ABCD3: variants seen among roughly 807,000 people sequenced by gnomAD.
The protein encoded by ABCD3 is ATP binding cassette subfamily D member 3.
Under a neutral mutation model 105.5 loss-of-function variants are expected in ABCD3, and 41 were observed. The ratio of observed to expected loss-of-function variants is 0.39; its 90% confidence interval spans 0.30 to 0.50. The LOEUF (loss-of-function observed/expected upper bound fraction) is 0.50, where lower values mean the gene tolerates loss of function less well. Ranked by LOEUF, ABCD3 falls within the 20% of genes least tolerant of loss-of-function variation. The probability of loss-of-function intolerance (pLI) is 0.84; values close to 1 mark genes in which losing one functional copy is unlikely to be tolerated. For missense variants in ABCD3, 622 were observed against 806.3 expected (o/e 0.77, Z 2.77); for synonymous variants, 258 against 269.0 (o/e 0.96, Z 0.40).
chr1:94,492,154 G>T (rs1649562689), intron 16 of ABCD3, among the ~76,000 whole-genome samples: 1 of 152,144 alleles, frequency 6.6e-6, no homozygotes, highest in African/African-American at 2.4e-5. Flanking sequence ...CATGTGAGTA[G>T]TGGCTATGGT....
chr1:94,464,729 A>G lies in ABCD3; in HGVS notation c.148-46A>G, dbSNP rs4148053. The G allele has an allele frequency of 1.6e-5, 23 of 1,455,160 alleles. No homozygotes were observed. The East Asian group carries it at 4.7e-4, about 30-fold the overall frequency. 90.1% of individuals were successfully genotyped at this position (1,455,160 alleles called of 1,614,324 possible). ...AAACATGGTTCTTTAATTTTATGAT[A>G]TGTTTGTTATAGCTATCTTAAAAGG... On this transcript the variant is annotated intron_variant, in intron 2 of 22. Transcript: ENST00000370214.
Position 94,463,620 on chromosome 1 carries a change from C to T in ABCD3, c.148-1155C>T, listed in dbSNP as rs538727167. On this transcript the variant is annotated intron_variant, in intron 2 of 22. Coordinates refer to ENST00000370214, the MANE Select transcript of ABCD3 (RefSeq NM_002858.4). ...GGGAATTGGGGTTTTTCTGGAGTGTCTTGCCTTTTCCAAGAAGTTTCCCCT... is the reference window on the plus strand; with the variant it reads ...GGGAATTGGGGTTTTTCTGGAGTGTTTTGCCTTTTCCAAGAAGTTTCCCCT... 5.6e-4 allele frequency among the ~76,000 whole-genome samples: 85 copies of T among 152,216 alleles called. 1 individual carries two copies. The highest frequency in any genetic ancestry group is 2.0e-3 in the African/African-American group (82 of 41,542).
intron 7 of ABCD3, among the ~76,000 whole-genome samples, chr1:94,477,251 AAAAAGG>A (rs1648797288): frequency 1.3e-5 from 2 of 149,832 alleles, no homozygotes; most frequent in Non-Finnish European, 3.0e-5. Context: ...AAAAAAAAAA[AAAAAGG>A]AAAGGGAAAG....
intron 9 of ABCD3, 196 bp from the exon 10 acceptor site, chr1:94,482,974 T>G (rs1227091803): frequency 3.8e-5 from 22 of 582,040 alleles, no homozygotes. Context: ...CAGTCAGGAG[T>G]GTATTCCTGT....
intron 16 of ABCD3, among the ~76,000 whole-genome samples, chr1:94,497,955 C>T (rs1013222193): frequency 2.6e-5 from 4 of 151,960 alleles, no homozygotes; most frequent in South Asian, 2.1e-4. Flanking sequence ...CTATAGAGTA[C>T]GTTTTCATTT....
chr1:94,425,096 TA>T (rs1659412993), intron 1 of ABCD3, among the ~76,000 whole-genome samples: 1 of 152,190 alleles, frequency 6.6e-6, no homozygotes, highest in Non-Finnish European at 1.5e-5. Context: ...CTGGACCACT[TA>T]TACCCCCTAT....
At chr1:94,386,638 T>A in the ABCD3 span, among the ~76,000 whole-genome samples, 1 of 152,248 alleles carries the variant, frequency 6.6e-6, no homozygotes, top group African/African-American at 2.4e-5. Context: ...GTATAATAAC[T>A]TTTTATACTT....
At chr1:94,486,666 T>C (rs1352648774) in intron 10 of ABCD3, among the ~76,000 whole-genome samples, 1 of 152,216 alleles carries the variant, frequency 6.6e-6, no homozygotes, top group East Asian at 1.9e-4. Context: ...TGAAGGGGGC[T>C]ATTGCCCAGC....
chr1:94,450,504 A>G (rs752320846), intron 1 of ABCD3, among the ~76,000 whole-genome samples: 116 of 152,402 alleles, frequency 7.6e-4, no homozygotes, highest in Non-Finnish European at 1.3e-3. Flanking sequence ...CACAAACAAT[A>G]GCATGAGCGA....
chr1:94,516,354 A>T (rs1570849770), intron 22 of ABCD3, among the ~76,000 whole-genome samples: 1 of 152,000 alleles, frequency 6.6e-6, no homozygotes, highest in Non-Finnish European at 1.5e-5. Flanking sequence ...ATTTTATGGC[A>T]TATTATAACT....
intron 8 of ABCD3, chr1:94,478,656 G>T: frequency 1.0e-6 from 1 of 961,506 alleles, no homozygotes; most frequent in Non-Finnish European, 1.5e-6. Flanking sequence ...TTCGAGACAA[G>T]CCTGGACAAA....
At chr1:94,472,595 A>G (rs1262715980) in intron 4 of ABCD3, among the ~76,000 whole-genome samples, 3 of 152,120 alleles carry the variant, frequency 2.0e-5, no homozygotes, top group African/African-American at 7.2e-5. Context: ...GTTTCATGCT[A>G]CAAACCCCTC....
chr1:94,488,165 T>A (rs1335317536), intron 13 of ABCD3, among the ~76,000 whole-genome samples, 182 bp downstream of exon 13: 1 of 152,174 alleles, frequency 6.6e-6, no homozygotes, highest in African/African-American at 2.4e-5. Context: ...TGAGGACAGC[T>A]GGTTTGCGCA....
At chr1:94,495,058 G>A (rs1031097317) in intron 16 of ABCD3, among the ~76,000 whole-genome samples, 2 of 152,132 alleles carry the variant, frequency 1.3e-5, no homozygotes, top group Non-Finnish European at 2.9e-5. Flanking sequence ...TCCAGTCTGG[G>A]CTACAGAGTG....
At chr1:94,412,320 A>C in the ABCD3 span, among the ~76,000 whole-genome samples, 1 of 152,154 alleles carries the variant, frequency 6.6e-6, no homozygotes, top group Non-Finnish European at 1.5e-5. Flanking sequence ...TATTTTTCCA[A>C]AGATATTTTA....
chr1:94,390,825 A>G, the ABCD3 span, among the ~76,000 whole-genome samples: 22 of 152,316 alleles, frequency 1.4e-4, no homozygotes, highest in African/African-American at 4.8e-4. Flanking sequence ...AAATAGCCAA[A>G]GGTTAGATCT....
the ABCD3 span, among the ~76,000 whole-genome samples, chr1:94,395,754 G>T: frequency 6.6e-6 from 1 of 152,142 alleles, no homozygotes; most frequent in Non-Finnish European, 1.5e-5. Flanking sequence ...TTCTGCAGGT[G>T]TGTGTGGTTA....
rs76604889 is a variant in ABCD3 at position 94,503,621 on chromosome 1, G to A, written c.1741-2917G>A. Among the ~76,000 whole-genome samples, 1,058 of 152,158 alleles carry A rather than the reference G, an allele frequency of 7.0e-3. 12 individuals are homozygous for A. The highest frequency in any genetic ancestry group is 0.024 in the African/African-American group (1,009 of 41,506). ...CTTAGCCAAAGCTTCTCTGTGATCT[G>A]TACCTTTCATTTTCTGCACAGTTGA... On this transcript the variant is annotated intron_variant, in intron 20 of 22. Transcript: ENST00000370214.
intron 20 of ABCD3, among the ~76,000 whole-genome samples, chr1:94,501,031 G>A (rs760817833): frequency 5.3e-5 from 8 of 152,022 alleles, no homozygotes; most frequent in Non-Finnish European, 7.4e-5. Flanking sequence ...TGGACACGAC[G>A]GAAACTCAGA....
Sources: gnomAD v4.1 joint callset for allele counts (sites outside exome capture counted in the v4.1 genomes callset) on GRCh38, gnomAD v4.1.1 for gene constraint, MANE v1.5 for transcripts, NCBI Gene and HGNC (gene_info 2026-07-23, HGNC 2026-07-21) for gene names.